CCDC6: variants seen among roughly 807,000 people sequenced by gnomAD.
The protein encoded by CCDC6 is coiled-coil domain containing 6.
Under a neutral mutation model 56.6 loss-of-function variants are expected in CCDC6, and 20 were observed. That is an observed-to-expected ratio of 0.35 (90% CI 0.25 to 0.51). The LOEUF (loss-of-function observed/expected upper bound fraction) is 0.51. Among genes scored for constraint, CCDC6 ranks in the 20% least tolerant of loss-of-function variants. CCDC6 has a pLI of 0.95. For missense variants in CCDC6, 367 were observed against 601.1 expected, an observed-to-expected ratio of 0.61 and a Z score of 4.07; for synonymous variants, 241 against 234.4, an observed-to-expected ratio of 1.03 and a Z score of -0.26.
chr10:59,852,715 A>C lies in CCDC6; in HGVS notation c.304-13T>G. 6.5e-7 allele frequency: 1 copy of C among 1,530,670 alleles called. No individual in the cohort carries two copies. The highest frequency in any genetic ancestry group is 8.7e-7 in the Non-Finnish European group (1 of 1,148,456). 94.8% of individuals were successfully genotyped at this position (1,530,670 alleles called of 1,614,324 possible). ...CAGCCCTGGCTTGCTGTTTAAAAAA[A>C]AAAAAGGAAAGAACAAAACAAAACA... On this transcript the variant is annotated splice_polypyrimidine_tract_variant and intron_variant, in intron 1 of 8. Transcript: ENST00000263102.
chr10:59,886,210 C>T (rs575840139), intron 1 of CCDC6, among the ~76,000 whole-genome samples: 3 of 152,198 alleles, frequency 2.0e-5, no homozygotes, highest in Non-Finnish European at 2.9e-5. Flanking sequence ...GAGCCCGAAA[C>T]GGACCAGGAT....
chr10:59,868,794 T>C (rs879213459), intron 1 of CCDC6, among the ~76,000 whole-genome samples: 1 of 152,192 alleles, frequency 6.6e-6, no homozygotes, highest in East Asian at 1.9e-4. Flanking sequence ...TGAGCTTCCC[T>C]GGTAGATGAC....
chr10:59,875,110 T>C (rs2132671172), intron 1 of CCDC6, among the ~76,000 whole-genome samples: 1 of 152,250 alleles, frequency 6.6e-6, no homozygotes, highest in African/African-American at 2.4e-5. Flanking sequence ...ACGTGTTCAG[T>C]TGGGAAAAAA....
chr10:59,805,041 G>A (rs569906881), intron 6 of CCDC6: 1 of 158,852 alleles, frequency 6.3e-6, no homozygotes, highest in African/African-American at 2.4e-5. Flanking sequence ...GATTTAATAA[G>A]CCTTGAGTAC....
chr10:59,873,686 A>G (rs959261868), intron 1 of CCDC6, among the ~76,000 whole-genome samples: 1 of 152,176 alleles, frequency 6.6e-6, no homozygotes, highest in African/African-American at 2.4e-5. Flanking sequence ...CTGTGGAGCT[A>G]TATTTTAATA....
At chr10:59,824,431 T>C (rs1241372909) in intron 3 of CCDC6, among the ~76,000 whole-genome samples, 1 of 152,190 alleles carries the variant, frequency 6.6e-6, no homozygotes, top group Non-Finnish European at 1.5e-5. Flanking sequence ...AGCTATTATC[T>C]GAGGTTTCTT....
intron 3 of CCDC6, among the ~76,000 whole-genome samples, chr10:59,821,701 T>C (rs1286742782): frequency 1.3e-5 from 2 of 151,824 alleles, no homozygotes; most frequent in African/African-American, 2.4e-5. Flanking sequence ...GGAGGAAGAG[T>C]GGTCACTTCC....
At chr10:59,867,907 C>T (rs2071190602) in intron 1 of CCDC6, among the ~76,000 whole-genome samples, 1 of 152,134 alleles carries the variant, frequency 6.6e-6, no homozygotes, top group Non-Finnish European at 1.5e-5. Flanking sequence ...TGGAAGCCCC[C>T]ACTTTGAGTT....
chr10:59,863,980 T>C (rs892920449), intron 1 of CCDC6, among the ~76,000 whole-genome samples: 5 of 152,220 alleles, frequency 3.3e-5, no homozygotes, highest in Admixed American at 6.5e-5. Context: ...TTCCAACTTA[T>C]AAATGCTCTA....
chr10:59,790,455 G>A lies in CCDC6; in HGVS notation c.*2462C>T, dbSNP rs914039074. 4.6e-6 allele frequency: 1 copy of A among 218,410 alleles called. No homozygotes were observed. Among genetic ancestry groups the A allele is most frequent in the African/African-American group, 2.3e-5 (1 of 44,394 alleles). The allele number at this position is 218,410 out of a possible 1,614,324, so 13.5% of individuals were successfully genotyped here. A position where few individuals can be genotyped will look rare whatever the true frequency, so the allele number is the denominator to read the frequency against. ...GGTGAGGGGGCTGTTGCCATTATGG[G>A]CTCAGAATCTAAATCTTACTGATCC... On this transcript the variant is annotated 3_prime_UTR_variant, in exon 9 of 9. Transcript: ENST00000263102.
At chr10:59,883,348 T>A (rs2071359962) in intron 1 of CCDC6, among the ~76,000 whole-genome samples, 1 of 152,082 alleles carries the variant, frequency 6.6e-6, no homozygotes, top group Non-Finnish European at 1.5e-5. Context: ...CCAAGTGAAA[T>A]GATGGTATCA....
intron 2 of CCDC6, among the ~76,000 whole-genome samples, chr10:59,834,711 G>A (rs1757600480): frequency 6.6e-6 from 1 of 152,144 alleles, no homozygotes. Context: ...AGGGACCCAA[G>A]AGAAAAGCAG....
chr10:59,882,866 A>C (rs1367910169), intron 1 of CCDC6, among the ~76,000 whole-genome samples: 1 of 152,134 alleles, frequency 6.6e-6, no homozygotes, highest in African/African-American at 2.4e-5. Context: ...AGGCTGAGGC[A>C]GGAGAATCGC....
chr10:59,904,448 ATT>A (rs2071527477), intron 1 of CCDC6, among the ~76,000 whole-genome samples: 1 of 152,220 alleles, frequency 6.6e-6, no homozygotes, highest in Non-Finnish European at 1.5e-5. Flanking sequence ...GCAAAAGGCT[ATT>A]TTGCTTCATG....
Position 59,834,071 on chromosome 10 carries a change from G to A in CCDC6, c.454-1418C>T, listed in dbSNP as rs181399209. Reference sequence around the variant, plus strand: ...TGATTAAACATAGAAAAAAAGCCACGTATGCTTGCCCAGGGGATGCAACGT... The same window carrying A: ...TGATTAAACATAGAAAAAAAGCCACATATGCTTGCCCAGGGGATGCAACGT... On this transcript the variant is annotated intron_variant, in intron 2 of 8. Transcript: ENST00000263102. 7.2e-5 allele frequency among the ~76,000 whole-genome samples: 11 copies of A among 152,184 alleles called. No homozygotes were observed. The East Asian group carries it at 1.7e-3, about 24-fold the overall frequency.
chr10:59,809,582 G>C (rs1277983633), intron 5 of CCDC6, among the ~76,000 whole-genome samples: 2 of 152,102 alleles, frequency 1.3e-5, no homozygotes, highest in Non-Finnish European at 2.9e-5. Context: ...CACCTGACCA[G>C]ATTTGTTCCT....
intron 2 of CCDC6, among the ~76,000 whole-genome samples, chr10:59,844,869 T>C (rs1252635958): frequency 6.6e-6 from 1 of 151,922 alleles, no homozygotes; most frequent in East Asian, 1.9e-4. Context: ...GCCCAAAGAA[T>C]TCATTCTAAG....
intron 2 of CCDC6, among the ~76,000 whole-genome samples, chr10:59,848,711 T>A (rs913629084): frequency 3.9e-5 from 6 of 152,218 alleles, no homozygotes; most frequent in African/African-American, 1.4e-4. Context: ...GAGAACTTAC[T>A]GTATAATAAA....
chr10:59,861,244 C>A (rs1287139128), intron 1 of CCDC6, among the ~76,000 whole-genome samples: 1 of 151,784 alleles, frequency 6.6e-6, no homozygotes, highest in Non-Finnish European at 1.5e-5. Flanking sequence ...TTGTAGTCCA[C>A]TTACTCAGCA....
Sources: allele counts gnomAD v4.1 joint callset (sites outside exome capture counted in the v4.1 genomes callset), GRCh38; gene constraint gnomAD v4.1.1; transcripts MANE v1.5; gene names NCBI Gene and HGNC (gene_info 2026-07-23, HGNC 2026-07-21).